Variants in POLN observed in about 807,000 individuals in gnomAD.
POLN encodes the protein DNA polymerase N.
POLN carries 108 observed loss-of-function variants against 113.5 expected under a neutral mutation model. That is an observed-to-expected ratio of 0.95 (90% CI 0.81 to 1.12). POLN has a LOEUF of 1.12. Among genes scored for constraint, POLN ranks in the 50% most tolerant of loss-of-function variants. The probability of loss-of-function intolerance (pLI) is 0.00; values close to 1 mark genes in which losing one functional copy is unlikely to be tolerated. For synonymous variants in POLN, 386 were observed against 391.5 expected (o/e 0.99, Z 0.17); for missense variants, 1,097 against 1,077.1 (o/e 1.02, Z -0.26).
intron 19 of POLN, among the ~76,000 whole-genome samples, chr4:2,115,225 TA>T (rs1312699602): frequency 1.9e-4 from 17 of 91,222 alleles, no homozygotes; most frequent in Middle Eastern, 4.6e-3. Context: ...TATATATATA[TA>T]TATTTTTTTT....
intron 6 of POLN, among the ~76,000 whole-genome samples, chr4:2,193,541 G>C (rs575532164): frequency 6.6e-6 from 1 of 152,248 alleles, no homozygotes; most frequent in South Asian, 2.1e-4. Context: ...CAGCTGTCAA[G>C]TGCTTATCCC....
At chr4:2,221,803 G>A (rs1490655015) in intron 3 of POLN, among the ~76,000 whole-genome samples, 5 of 152,076 alleles carry the variant, frequency 3.3e-5, no homozygotes, top group Admixed American at 6.5e-5. Context: ...TTGAACTCCT[G>A]ACCTCAAGGG....
rs1437310658 is a variant in POLN at position 2,072,995 on chromosome 4, CTG to C, written c.2488_2489del (p.Gln830GlyfsTer42). 1.2e-6 allele frequency: 2 copies of C among 1,613,576 alleles called. No individual in the cohort carries two copies. The highest frequency in any genetic ancestry group is 1.7e-6 in the Non-Finnish European group (2 of 1,179,964). On this transcript the variant is annotated frameshift_variant, in exon 25 of 26. Transcript: ENST00000511885. LOFTEE classifies it low-confidence loss of function (END_TRUNC). ...GAAGCTGCAGCTCCAATGCCTGCAC[CTG>C]TTCCAAGGACTCCATGGTCCTCCTG... Reference protein sequence around the residue: ...LVRRTMESLEQVQALELQLQV... With the variant: ...LVRRTMESLEXVQALELQLQV...
chr4:2,136,724 T>C (rs1223379729), intron 16 of POLN, among the ~76,000 whole-genome samples: 1 of 152,230 alleles, frequency 6.6e-6, no homozygotes, highest in Non-Finnish European at 1.5e-5. Flanking sequence ...CTTTTCTCCC[T>C]AGGTATTGTG....
intron 15 of POLN, among the ~76,000 whole-genome samples, chr4:2,157,489 G>C (rs1310310726): frequency 6.6e-6 from 1 of 152,094 alleles, no homozygotes; most frequent in Non-Finnish European, 1.5e-5. Context: ...CACTTTGGGA[G>C]GCCGAGGCAG....
At chr4:2,120,686 G>A (rs1325686392) in intron 19 of POLN, among the ~76,000 whole-genome samples, 2 of 151,958 alleles carry the variant, frequency 1.3e-5, no homozygotes, top group African/African-American at 2.4e-5. Context: ...GTAGAGATGG[G>A]GTTTCATCAT....
chr4:2,101,966 C>T (rs1730937554), intron 19 of POLN, among the ~76,000 whole-genome samples: 1 of 152,140 alleles, frequency 6.6e-6, no homozygotes, highest in Non-Finnish European at 1.5e-5. Flanking sequence ...TCAGCTGTGA[C>T]AGCTGGGATG....
At chr4:2,221,737 G>A (rs1329214282) in intron 3 of POLN, among the ~76,000 whole-genome samples, 3 of 152,030 alleles carry the variant, frequency 2.0e-5, no homozygotes, top group Admixed American at 1.3e-4. Context: ...CACCATGCTC[G>A]GCTAATATTC....
chr4:2,170,356 G>A (rs1003452568), intron 13 of POLN, among the ~76,000 whole-genome samples: 12 of 152,296 alleles, frequency 7.9e-5, no homozygotes, highest in Admixed American at 5.9e-4. Flanking sequence ...CTGATGACCC[G>A]TTTCTAGTTC....
intron 16 of POLN, chr4:2,156,421 C>CA (rs1424448827): frequency 1.1e-5 from 5 of 465,562 alleles, no homozygotes; most frequent in Non-Finnish European, 2.1e-5. Context: ...CAACAACCAC[C>CA]AAAAAATGGA....
intron 5 of POLN, among the ~76,000 whole-genome samples, chr4:2,199,204 ATACT>A (rs1221311258): frequency 1.3e-5 from 2 of 152,214 alleles, no homozygotes; most frequent in Non-Finnish European, 2.9e-5. Context: ...AAAAAGTGAA[ATACT>A]TAAGTATAAA....
chr4:2,240,360 G>T, intron 2 of POLN: 1 of 1,602,644 alleles, frequency 6.2e-7, no homozygotes, highest in Non-Finnish European at 8.5e-7. Flanking sequence ...GGAAAATTGC[G>T]ATAAAAATAC....
At chr4:2,080,619 G>A (rs1730385504) in intron 23 of POLN, 2 of 1,240,940 alleles carry the variant, frequency 1.6e-6, no homozygotes, top group East Asian at 4.5e-5. Context: ...AGTCCCCAGG[G>A]TCCTGCTCAA....
At chr4:2,122,998 A>G (rs555449374) in intron 19 of POLN, among the ~76,000 whole-genome samples, 24 of 150,024 alleles carry the variant, frequency 1.6e-4, no homozygotes, top group Non-Finnish European at 2.7e-4. Flanking sequence ...ACCAAAAAGA[A>G]AAAAAAAAAT....
chr4:2,131,116 T>C, intron 17 of POLN, 117 bp downstream of exon 17: 1 of 676,478 alleles, frequency 1.5e-6, no homozygotes, highest in South Asian at 1.9e-5. Context: ...GCCCAGGAGG[T>C]CAAGGCTGCA....
At chr4:2,074,698 G>A (rs982863135) in intron 24 of POLN, among the ~76,000 whole-genome samples, 2 of 152,136 alleles carry the variant, frequency 1.3e-5, no homozygotes, top group Non-Finnish European at 2.9e-5. Context: ...GGTGCCTGAA[G>A]CTTCCAGCCC....
intron 6 of POLN, among the ~76,000 whole-genome samples, chr4:2,198,046 G>A (rs1037083111): frequency 6.6e-5 from 10 of 152,180 alleles, no homozygotes; most frequent in South Asian, 2.1e-4. Context: ...TAAGAGGGCC[G>A]GTCCAAAGAG....
rs1413844198 is a variant in POLN, at chr4:2,093,021, C to A, written c.2065+2830G>T. Among the ~76,000 whole-genome samples, 4 of 152,126 alleles carry A rather than the reference C, an allele frequency of 2.6e-5. No homozygotes were observed. The highest frequency in any genetic ancestry group is 9.7e-5 in the African/African-American group (4 of 41,398). On this transcript the variant is annotated intron_variant, in intron 20 of 25. Transcript: ENST00000511885. The surrounding 1 kb of genome is among the most constrained non-coding windows in gnomAD (Gnocchi z 4.1). ...CCCTTGTCACTGTCACAGCTAAAAG[C>A]AGCCAAATTACCCTTTTCAACATTA...
chr4:2,192,352 G>GT lies in POLN; in HGVS notation c.1021+851dup, dbSNP rs35897112. 1.8e-4 allele frequency among the ~76,000 whole-genome samples: 28 copies of GT among 151,880 alleles called. No individual in the cohort carries two copies. In the East Asian group the frequency reaches 5.5e-3, roughly 30 times the overall value. On this transcript the variant is annotated intron_variant, in intron 7 of 25. Transcript: ENST00000511885. ...GTTTTACCACTTAGCTGTCCATCTA[G>GT]TTTTTTTATTTCTCCTGAGACGGAA... is the stretch of plus-strand genomic sequence containing the variant.
Sources: allele counts gnomAD v4.1 joint callset (sites outside exome capture counted in the v4.1 genomes callset), GRCh38; gene constraint gnomAD v4.1.1; non-coding constraint Gnocchi (gnomAD v3.1); transcripts MANE v1.5; gene names NCBI Gene and HGNC (gene_info 2026-07-23, HGNC 2026-07-21).